The following SETD2 variants were observed in gnomAD, a reference collection of about 807,000 sequenced individuals.
SETD2 encodes the protein SET domain containing 2, histone lysine methyltransferase.
Under a neutral mutation model 242.1 loss-of-function variants are expected in SETD2, and 31 were observed. That is an observed-to-expected ratio of 0.13 (90% CI 0.10 to 0.17). The LOEUF is 0.17. Among genes scored for constraint, SETD2 ranks in the 10% least tolerant of loss-of-function variants. The pLI is 1.00. For synonymous variants in SETD2, 1,006 were observed against 1,066.5 expected (o/e 0.94, Z 1.11); for missense variants, 2,481 against 3,046.3 (o/e 0.81, Z 4.37).
intron 11 of SETD2, among the ~76,000 whole-genome samples, chr3:47,084,932 T>C (rs1344769521): frequency 1.3e-5 from 2 of 150,902 alleles, no homozygotes; most frequent in Non-Finnish European, 3.0e-5. Context: ...GGTTTCTCCA[T>C]GTTGGTCAGG....
chr3:47,084,941 G>C (rs1317310451), intron 11 of SETD2, among the ~76,000 whole-genome samples: 2 of 150,546 alleles, frequency 1.3e-5, no homozygotes, highest in South Asian at 4.2e-4. Context: ...ATGTTGGTCA[G>C]GCTGGTCTTG....
chr3:47,159,442 CAT>C (rs1001242972), intron 1 of SETD2, among the ~76,000 whole-genome samples: 7 of 152,186 alleles, frequency 4.6e-5, no homozygotes, highest in Non-Finnish European at 8.8e-5. Context: ...TCTCACATGT[CAT>C]ATTAGTTCCA....
intron 16 of SETD2, among the ~76,000 whole-genome samples, chr3:47,044,558 G>A (rs9858443): frequency 0.65 from 99,038 of 151,522 alleles, 32,780 homozygotes; most frequent in African/African-American, 0.76. Flanking sequence ...CAGAACTGTA[G>A]GTGTTCTAAA....
Position 47,017,549 on chromosome 3 carries a change from A to T in SETD2, c.7533+89T>A. On this transcript the variant is annotated intron_variant, in intron 20 of 20. Transcript: ENST00000409792. The surrounding 1 kb of genome is among the most constrained non-coding windows in gnomAD (Gnocchi z 4.8). ...TCTGACATCTGACAAGAAAAAAAAA[A>T]ATACTTTCTATGATGAAAAGGGCTT... 1 of 1,042,668 alleles carries T rather than the reference A, an allele frequency of 9.6e-7. No individual in the cohort carries two copies. The allele number at this position is 1,042,668 out of a possible 1,614,324, so 64.6% of individuals were successfully genotyped here. A position where few individuals can be genotyped will look rare whatever the true frequency, so the allele number is the denominator to read the frequency against.
intron 8 of SETD2, among the ~76,000 whole-genome samples, chr3:47,098,819 T>C (rs1181528485): frequency 6.6e-6 from 1 of 151,922 alleles, no homozygotes; most frequent in Non-Finnish European, 1.5e-5. Context: ...TAATAATAAT[T>C]GAGTATTCTA....
intron 1 of SETD2, among the ~76,000 whole-genome samples, chr3:47,156,009 C>G (rs1175737733): frequency 6.6e-6 from 1 of 151,978 alleles, no homozygotes; most frequent in African/African-American, 2.4e-5. Flanking sequence ...AGAAATGAAG[C>G]TAGTCAACTT....
chr3:47,138,320 A>C (rs1329963659), intron 1 of SETD2: 1 of 273,730 alleles, frequency 3.7e-6, no homozygotes, highest in Non-Finnish European at 7.6e-6. Flanking sequence ...CCCAGGCTGG[A>C]GTACAGTGGC....
At chr3:47,163,810 T>A (rs1697582627) in intron 1 of SETD2, 44 bp downstream of exon 1, 1 of 1,238,134 alleles carries the variant, frequency 8.1e-7, no homozygotes, top group East Asian at 3.3e-5. Context: ...CGGCTGGGGA[T>A]AAGGCGGCCG....
intron 15 of SETD2, among the ~76,000 whole-genome samples, chr3:47,055,766 A>G (rs1363974693): frequency 6.6e-6 from 1 of 152,036 alleles, no homozygotes; most frequent in African/African-American, 2.4e-5. Context: ...TCCCACCAGC[A>G]CTTTGGGAGG....
chr3:47,099,517 T>C (rs1341472435), intron 8 of SETD2, among the ~76,000 whole-genome samples: 2 of 152,218 alleles, frequency 1.3e-5, no homozygotes, highest in African/African-American at 4.8e-5. Flanking sequence ...TAGTTGTCTT[T>C]TTCTGATATT....
chr3:47,106,493 T>TTAA (rs1309150228), intron 5 of SETD2, among the ~76,000 whole-genome samples: 14 of 57,260 alleles, frequency 2.4e-4, no homozygotes, highest in Admixed American at 1.9e-4. Flanking sequence ...ATTTTTGCTC[T>TTAA]AAAAAAAAAA....
intron 16 of SETD2, 114 bp downstream of exon 16, chr3:47,046,373 A>G (rs956276202): frequency 1.3e-6 from 1 of 775,384 alleles, no homozygotes; most frequent in East Asian, 3.0e-5. Context: ...AAAACAAAGA[A>G]CACGTGAAAA....
chr3:47,099,738 T>C (rs1421255052), intron 8 of SETD2, among the ~76,000 whole-genome samples: 1 of 152,064 alleles, frequency 6.6e-6, no homozygotes, highest in African/African-American at 2.4e-5. Flanking sequence ...CCCTCCTGAG[T>C]AGCTGGGACT....
chr3:47,157,211 C>A (rs2044145514), intron 1 of SETD2, among the ~76,000 whole-genome samples: 1 of 152,066 alleles, frequency 6.6e-6, no homozygotes, highest in African/African-American at 2.4e-5. Context: ...TACAGTGAGC[C>A]ATCATCGCGC....
intron 15 of SETD2, among the ~76,000 whole-genome samples, chr3:47,049,374 C>T (rs1476281451): frequency 1.3e-4 from 13 of 96,872 alleles, no homozygotes; most frequent in African/African-American, 2.8e-4. Flanking sequence ...TAAACTTATT[C>T]TTTTTTTTTT....
intron 12 of SETD2, among the ~76,000 whole-genome samples, chr3:47,069,494 C>T (rs919338341): frequency 2.6e-5 from 4 of 152,136 alleles, no homozygotes; most frequent in Admixed American, 6.6e-5. Flanking sequence ...GCCAGACATG[C>T]GTATTTTTTA....
At chr3:47,159,268 C>T (rs1357718393) in intron 1 of SETD2, among the ~76,000 whole-genome samples, 1 of 152,148 alleles carries the variant, frequency 6.6e-6, no homozygotes, top group Non-Finnish European at 1.5e-5. Flanking sequence ...ACTTGGTTAT[C>T]AAATCAACTC....
intron 1 of SETD2, among the ~76,000 whole-genome samples, chr3:47,158,500 G>A (rs1420624315): frequency 6.6e-5 from 10 of 152,094 alleles, no homozygotes. Flanking sequence ...CAAGGATGAA[G>A]ACCTTTATGA....
intron 8 of SETD2, among the ~76,000 whole-genome samples, chr3:47,100,131 C>G (rs192122283): frequency 3.3e-5 from 5 of 151,744 alleles, no homozygotes; most frequent in Non-Finnish European, 7.4e-5. Context: ...TTAGTAGAGA[C>G]GGGGTTTCAC....
Sources: gnomAD v4.1 joint callset for allele counts (sites outside exome capture counted in the v4.1 genomes callset) on GRCh38, gnomAD v4.1.1 for gene constraint, Gnocchi (gnomAD v3.1) non-coding constraint, MANE v1.5 for transcripts, NCBI Gene and HGNC (gene_info 2026-07-23, HGNC 2026-07-21) for gene names.